Variants in KTN1 observed in about 807,000 individuals in gnomAD.
KTN1 encodes the protein kinectin 1.
A neutral mutation model predicts 222.5 loss-of-function variants in KTN1; 130 were observed. That is an observed-to-expected ratio of 0.58 (90% CI 0.51 to 0.68). The LOEUF is 0.68. Among genes scored for constraint, KTN1 ranks in the 30% least tolerant of loss-of-function variants. The probability of loss-of-function intolerance (pLI) is 0.00; values close to 1 mark genes in which losing one functional copy is unlikely to be tolerated. For missense variants in KTN1, 1,508 were observed against 1,500.4 expected (o/e 1.01, Z -0.08); for synonymous variants, 512 against 496.3 (o/e 1.03, Z -0.42).
Position 55,641,122 on chromosome 14 carries a change from C to T in KTN1, c.2022-5C>T. The T allele has an allele frequency of 1.3e-6, 2 of 1,568,552 alleles. No homozygotes were observed. Among genetic ancestry groups the T allele is most frequent in the Non-Finnish European group, 1.7e-6 (2 of 1,152,810 alleles). ...GTATTTTAATTTTTTTTTTCACCCT[C>T]ATAGTGTTTATGTTAAAGATGATAA... On this transcript the variant is annotated splice_polypyrimidine_tract_variant and splice_region_variant and intron_variant, in intron 16 of 43. Transcript: ENST00000395314.
At chr14:55,587,678 T>C (rs1207488368) in intron 1 of KTN1, among the ~76,000 whole-genome samples, 1 of 152,196 alleles carries the variant, frequency 6.6e-6, no homozygotes, top group African/African-American at 2.4e-5. Context: ...TTTCATAATC[T>C]GGGTCTCTTG....
intron 1 of KTN1, among the ~76,000 whole-genome samples, chr14:55,603,681 T>G (rs1413348421): frequency 6.6e-6 from 1 of 152,264 alleles, no homozygotes; most frequent in Non-Finnish European, 1.5e-5. Context: ...ATAGTCCATT[T>G]GCTGAATACT....
chr14:55,669,715 A>G (rs550955728), intron 34 of KTN1, among the ~76,000 whole-genome samples: 2 of 152,110 alleles, frequency 1.3e-5, no homozygotes, highest in East Asian at 1.9e-4. Context: ...CTGATAGTGT[A>G]CATTTAGTCT....
At position 55,673,023 on chromosome 14, in the gene KTN1, CAG is replaced by C. The variant is rs770703666; in HGVS notation, c.3687+13_3687+14del. On this transcript the variant is annotated intron_variant, in intron 39 of 43. Transcript: ENST00000395314. ...ACAGAAGTCAGAGAGGTACTTACAA[CAG>C]AATCTTTTCAAACTTGCTTCTCAAT... 2.0e-5 allele frequency: 32 copies of C among 1,598,942 alleles called. 1 individual carries two copies. The highest frequency in any genetic ancestry group is 2.5e-5 in the Non-Finnish European group (29 of 1,166,598).
chr14:55,598,736 C>G (rs2035486476), intron 1 of KTN1, among the ~76,000 whole-genome samples: 1 of 152,138 alleles, frequency 6.6e-6, no homozygotes, highest in Admixed American at 6.5e-5. Context: ...TTGCTAAGTA[C>G]TATGTAAGTC....
intron 12 of KTN1, 131 bp from the exon 13 acceptor site, chr14:55,639,054 C>T: frequency 1.7e-6 from 1 of 587,302 alleles, no homozygotes; most frequent in Non-Finnish European, 3.0e-6. Context: ...GAACACTTAC[C>T]ATGGGCCAGA....
intron 13 of KTN1, 28 bp from the exon 14 acceptor site, chr14:55,639,885 G>C (rs371436822): frequency 1.2e-5 from 16 of 1,340,390 alleles, no homozygotes; most frequent in Admixed American, 1.8e-5. Context: ...AATGTTTATT[G>C]AATGTACAAA....
intron 1 of KTN1, among the ~76,000 whole-genome samples, chr14:55,607,651 C>T (rs1221896262): frequency 6.6e-6 from 1 of 152,166 alleles, no homozygotes; most frequent in Non-Finnish European, 1.5e-5. Flanking sequence ...TCCTATTTGC[C>T]ACCACTGGCT....
intron 34 of KTN1, among the ~76,000 whole-genome samples, chr14:55,669,536 A>G (rs945128115): frequency 6.6e-6 from 1 of 151,968 alleles, no homozygotes; most frequent in African/African-American, 2.4e-5. Context: ...ATAAAAATAT[A>G]TAAATTTTTT....
In KTN1 at chr14:55,650,378, C is replaced by T. The variant is rs2042817212; in HGVS notation, c.2456C>T (p.Ala819Val). The T allele has an allele frequency of 1.9e-6, 3 of 1,611,108 alleles. No individual in the cohort carries two copies. The highest frequency in any genetic ancestry group is 2.7e-5 in the African/African-American group (2 of 74,804). ...KIKSVEELLEAELLKVANKEK... is the reference protein window; with the variant it reads ...KIKSVEELLEVELLKVANKEK... ...AAGTCTGTAGAAGAGCTTCTGGAGG[C>T]AGAACTTCTCAAAGTTGCTAACAAG... is the stretch of plus-strand genomic sequence containing the variant. Residue 819 changes from alanine (A) to valine (V), a missense_variant, in exon 23 of 44, where the codon GCA becomes GTA. Physicochemically the swap from Ala to Val is moderately conservative, Grantham distance 64. Coordinates refer to ENST00000395314, the MANE Select transcript of KTN1 (RefSeq NM_001079521.2).
intron 4 of KTN1, among the ~76,000 whole-genome samples, chr14:55,618,503 C>T (rs2038703433): frequency 6.6e-6 from 1 of 152,098 alleles, no homozygotes; most frequent in African/African-American, 2.4e-5. Context: ...CACATATCCC[C>T]TGTTTCCACA....
At chr14:55,622,304 T>C (rs988252719) in intron 5 of KTN1, among the ~76,000 whole-genome samples, 6 of 152,164 alleles carry the variant, frequency 3.9e-5, no homozygotes, top group Admixed American at 1.3e-4. Context: ...ACCTCAGGAC[T>C]ATTGTTGTGG....
At chr14:55,674,722 T>A (rs1172879844) in intron 40 of KTN1, 1 of 152,186 alleles carries the variant, frequency 6.6e-6, no homozygotes, top group Non-Finnish European at 1.5e-5. Context: ...AATGCTTTAT[T>A]TTGATTTTTT....
intron 1 of KTN1, among the ~76,000 whole-genome samples, chr14:55,581,552 T>C (rs529187151): frequency 2.3e-4 from 35 of 152,268 alleles, no homozygotes; most frequent in Non-Finnish European, 2.9e-4. Flanking sequence ...GATGACTTTG[T>C]GGAAAGCCTT....
intron 34 of KTN1, 151 bp downstream of exon 34, chr14:55,667,481 T>C (rs1470045398): frequency 2.1e-6 from 1 of 475,592 alleles, no homozygotes. Flanking sequence ...TAAAGATTAA[T>C]AACTTGGTTC....
intron 25 of KTN1, among the ~76,000 whole-genome samples, chr14:55,652,279 C>T (rs901171962): frequency 1.1e-4 from 17 of 151,666 alleles, no homozygotes; most frequent in Non-Finnish European, 8.8e-5. Flanking sequence ...CAAGGTGATA[C>T]AGGGTAGAGG....
chr14:55,653,650 C>T, intron 28 of KTN1, 54 bp downstream of exon 28: 2 of 1,333,738 alleles, frequency 1.5e-6, no homozygotes, highest in Non-Finnish European at 2.1e-6. Flanking sequence ...TCATTATTTT[C>T]CAGGGTGTGC....
Position 55,655,103 on chromosome 14 carries a change from C to T in KTN1, c.2802-939C>T, listed in dbSNP as rs915018256. On this transcript the variant is annotated intron_variant, in intron 28 of 43. Transcript: ENST00000395314. ...TCCTGGGCTCAAGCGATCCTCCCAC[C>T]TCAGCCTTTCGAGTAGCTGGGACTA... Among the ~76,000 whole-genome samples the T allele has an allele frequency of 3.3e-5, 5 of 152,252 alleles. No homozygotes were observed. In the East Asian group the frequency reaches 9.7e-4, roughly 29 times the overall value.
intron 1 of KTN1, among the ~76,000 whole-genome samples, chr14:55,611,793 G>A (rs1225637077): frequency 6.6e-6 from 1 of 152,094 alleles, no homozygotes; most frequent in Non-Finnish European, 1.5e-5. Context: ...GAAATGGAAG[G>A]ATGTTTTCTA....
Sources: allele counts gnomAD v4.1 joint callset (sites outside exome capture counted in the v4.1 genomes callset), GRCh38; gene constraint gnomAD v4.1.1; transcripts MANE v1.5; gene names NCBI Gene and HGNC (gene_info 2026-07-23, HGNC 2026-07-21).